Variants in PRDM10 observed in about 807,000 individuals in gnomAD.
The protein encoded by PRDM10 is PR domain zinc finger protein 10.
In PRDM10, 65 loss-of-function variants were observed where a neutral mutation model predicts 133.1. The observed-to-expected ratio is 0.49, with a 90% CI of 0.40 to 0.60. The LOEUF (loss-of-function observed/expected upper bound fraction) is 0.60. Among genes scored for constraint, PRDM10 ranks in the 20% least tolerant of loss-of-function variants. The pLI is 0.00. For synonymous variants in PRDM10, 582 were observed against 580.4 expected (o/e 1.00, Z -0.04); for missense variants, 1,137 against 1,507.1 (o/e 0.75, Z 4.07).
At chr11:129,991,817 CA>C (rs71057994) in intron 1 of PRDM10, among the ~76,000 whole-genome samples, 1,491 of 94,250 alleles carry the variant, frequency 0.016, 19 homozygotes, top group African/African-American at 0.046. Flanking sequence ...GACTCCATCT[CA>C]AAAAAAAAAA....
At chr11:129,963,411 G>GAAGAGAAGAGAAGAGAAGAGAA (rs1226908556) in intron 1 of PRDM10, among the ~76,000 whole-genome samples, 3 of 145,754 alleles carry the variant, frequency 2.1e-5, no homozygotes, top group Non-Finnish European at 4.4e-5. Flanking sequence ...GAAGAGAAGA[G>GAAGAGAAGAGAAGAGAAGAGAA]AAGAGAAGAG....
At position 129,947,381 on chromosome 11, in the gene PRDM10, G is replaced by C; in HGVS notation, c.295-11C>G. ...AACTGGCAATGAGGCCTGGGCAAAA[G>C]TTGAAGGCACAGAGTAAGCAGACAT... On this transcript the variant is annotated splice_polypyrimidine_tract_variant and intron_variant, in intron 4 of 20. Transcript: ENST00000360871. This position sits in a 1 kb window ranked among gnomAD's most constrained non-coding sequence, Gnocchi z 4.6. 6.2e-7 allele frequency: 1 copy of C among 1,614,166 alleles called. No homozygotes were observed. The highest frequency in any genetic ancestry group is 8.5e-7 in the Non-Finnish European group (1 of 1,180,002).
intron 4 of PRDM10, among the ~76,000 whole-genome samples, chr11:129,951,327 A>G (rs979693200): frequency 6.6e-6 from 1 of 152,106 alleles, no homozygotes; most frequent in Non-Finnish European, 1.5e-5. Flanking sequence ...GCCCTATGGA[A>G]TTCAGTCTAT....
At chr11:129,979,749 A>G (rs11221918) in intron 1 of PRDM10, among the ~76,000 whole-genome samples, 2 of 151,664 alleles carry the variant, frequency 1.3e-5, no homozygotes, top group East Asian at 3.9e-4. Flanking sequence ...TCCTGTTCTA[A>G]CTGCACGTCC....
chr11:129,960,675 G>A (rs1259506745), intron 2 of PRDM10, among the ~76,000 whole-genome samples: 1 of 152,146 alleles, frequency 6.6e-6, no homozygotes, highest in Non-Finnish European at 1.5e-5. Context: ...AGACAAGGCG[G>A]AGAAGCCTAT....
At chr11:129,912,752 G>GAA (rs879486759) in intron 17 of PRDM10, among the ~76,000 whole-genome samples, 2 of 96,602 alleles carry the variant, frequency 2.1e-5, no homozygotes, top group African/African-American at 7.6e-5. Context: ...ACTCCATCTC[G>GAA]AAAAAAAAAA....
intron 1 of PRDM10, among the ~76,000 whole-genome samples, chr11:130,001,959 C>CCCCCCGCCCCGGT (rs1317573876): frequency 6.2e-4 from 94 of 151,558 alleles, no homozygotes; most frequent in Non-Finnish European, 6.6e-4. Context: ...TGCGGGCCGG[C>CCCCCCGCCCCGGT]CCCCCGCCCC....
chr11:129,976,198 C>G (rs1937747381), intron 1 of PRDM10, among the ~76,000 whole-genome samples: 1 of 152,190 alleles, frequency 6.6e-6, no homozygotes, highest in Non-Finnish European at 1.5e-5. Context: ...CTCTCAGGCT[C>G]TGATTCTAGG....
chr11:129,931,285 A>G, intron 10 of PRDM10, 27 bp from the exon 11 acceptor site: 1 of 1,609,858 alleles, frequency 6.2e-7, no homozygotes, highest in Non-Finnish European at 8.5e-7. Context: ...CCAGGAATAG[A>G]GATCAGTGCC....
intron 19 of PRDM10, among the ~76,000 whole-genome samples, chr11:129,906,741 G>A (rs938639721): frequency 6.6e-6 from 1 of 152,162 alleles, no homozygotes; most frequent in Non-Finnish European, 1.5e-5. Context: ...ACTTTGGGAG[G>A]CCAAGGCAGG....
intron 17 of PRDM10, chr11:129,914,430 G>A (rs1950287303): frequency 1.9e-6 from 1 of 521,644 alleles, no homozygotes; most frequent in East Asian, 3.6e-5. Flanking sequence ...AAGAGGGTCA[G>A]AAACAGGTGC....
intron 18 of PRDM10, 43 bp downstream of exon 18, chr11:129,912,042 G>A (rs775833577): frequency 6.6e-6 from 10 of 1,521,700 alleles, no homozygotes; most frequent in Admixed American, 4.0e-5. Context: ...GATAATCCCT[G>A]AAGCCATGAT....
At chr11:129,996,502 TCA>T in intron 1 of PRDM10, among the ~76,000 whole-genome samples, 1 of 152,338 alleles carries the variant, frequency 6.6e-6, no homozygotes, top group South Asian at 2.1e-4. Flanking sequence ...AGCCACGCTC[TCA>T]CACTCCACAG....
At chr11:129,976,665 T>C (rs1241587793) in intron 1 of PRDM10, among the ~76,000 whole-genome samples, 1 of 152,218 alleles carries the variant, frequency 6.6e-6, no homozygotes, top group Admixed American at 6.5e-5. Flanking sequence ...AAAGAGCTTC[T>C]ATTATGTTCA....
intron 1 of PRDM10, among the ~76,000 whole-genome samples, chr11:129,986,695 G>A (rs1938458130): frequency 6.6e-6 from 1 of 152,156 alleles, no homozygotes; most frequent in East Asian, 1.9e-4. Context: ...ACTTTGCGTG[G>A]AGGGCAACAG....
At chr11:129,938,427 G>C (rs1951102212) in intron 7 of PRDM10, among the ~76,000 whole-genome samples, 1 of 152,188 alleles carries the variant, frequency 6.6e-6, no homozygotes, top group African/African-American at 2.4e-5. Context: ...CAGTTGCTCA[G>C]ACTTGAAACC....
At chr11:129,968,676 AC>A (rs1420967129) in intron 1 of PRDM10, among the ~76,000 whole-genome samples, 1 of 149,166 alleles carries the variant, frequency 6.7e-6, no homozygotes, top group Non-Finnish European at 1.5e-5. Context: ...AACATCCAGA[AC>A]CCCCCAGGAC....
At chr11:129,910,825 G>A (rs950753832) in intron 18 of PRDM10, among the ~76,000 whole-genome samples, 169 bp from the exon 19 acceptor site, 20 of 152,126 alleles carry the variant, frequency 1.3e-4, no homozygotes, top group African/African-American at 4.3e-4. Flanking sequence ...TGCCCAGGCT[G>A]GAGTGCAACG....
chr11:130,001,771 G>A (rs1198131002), intron 1 of PRDM10, among the ~76,000 whole-genome samples: 1 of 152,170 alleles, frequency 6.6e-6, no homozygotes, highest in Non-Finnish European at 1.5e-5. Flanking sequence ...AGGGGCTGGA[G>A]AGGTGCACAC....
Sources: gnomAD v4.1 joint callset for allele counts (sites outside exome capture counted in the v4.1 genomes callset) on GRCh38, gnomAD v4.1.1 for gene constraint, Gnocchi (gnomAD v3.1) non-coding constraint, MANE v1.5 for transcripts, NCBI Gene and HGNC (gene_info 2026-07-23, HGNC 2026-07-21) for gene names.